Variants in PLEKHA4 observed in about 807,000 individuals in gnomAD.
PLEKHA4 encodes pleckstrin homology domain-containing family A member 4.
In PLEKHA4, 73 loss-of-function variants were observed where a neutral mutation model predicts 94.7. The observed-to-expected ratio is 0.77, with a 90% CI of 0.64 to 0.94. PLEKHA4 has a LOEUF of 0.94. PLEKHA4 is among the 40% of genes least tolerant of loss of function. The pLI is 0.00. For missense variants in PLEKHA4, 1,049 were observed against 1,054.1 expected (o/e 1.00, Z 0.07); for synonymous variants, 449 against 437.1 (o/e 1.03, Z -0.34).
In PLEKHA4 at chr19:48,841,342, C is replaced by T. The variant is rs763151289; in HGVS notation, c.1744-32G>A. 7 of 1,568,242 alleles carry T rather than the reference C, an allele frequency of 4.5e-6. No individual in the cohort carries two copies. The African/African-American group carries it at 8.1e-5, about 18-fold the overall frequency. ...AGGCGAGAAACGTCCCAAGACCCAA[C>T]CTTTAGGCCAGGCACAGTGGCTCGT... is the stretch of plus-strand genomic sequence containing the variant. On this transcript the variant is annotated intron_variant, in intron 16 of 19. Coordinates refer to ENST00000263265, the MANE Select transcript of PLEKHA4 (RefSeq NM_020904.3).
chr19:48,867,604 G>A lies in PLEKHA4; in HGVS notation c.17C>T (p.Pro6Leu). The A allele has an allele frequency of 4.4e-6, 7 of 1,598,096 alleles. No homozygotes were observed. In the South Asian group the frequency reaches 4.6e-5, roughly 10 times the overall value. Residue 6 changes from proline (P) to leucine (L), a missense_variant, in exon 2 of 20, where the codon CCT becomes CTT. Coordinates refer to ENST00000263265, the MANE Select transcript of PLEKHA4 (RefSeq NM_020904.3). The surrounding 1 kb of genome is among the most constrained non-coding windows in gnomAD (Gnocchi z 4.7). ...GCTGGCCAGGCTCAGGCTGCTGCGA[G>A]GTCGGCTCCCCTCCATCAAGGGCTG... MEGSR[P>L]RSSLSLASSA... is the part of the protein sequence containing the mutation.
At chr19:48,865,444 G>C in intron 3 of PLEKHA4, 59 bp downstream of exon 3, 1 of 1,331,630 alleles carries the variant, frequency 7.5e-7, no homozygotes, top group Non-Finnish European at 1.1e-6. Context: ...CAAGGAGAGA[G>C]ACAGAGGACA....
chr19:48,848,214 C>T (rs528447380), intron 13 of PLEKHA4, among the ~76,000 whole-genome samples, 174 bp from the exon 14 acceptor site: 133 of 152,108 alleles, frequency 8.7e-4, no homozygotes, highest in African/African-American at 3.0e-3. Flanking sequence ...TGGCTGGGCG[C>T]GGTGGCTCAC....
intron 2 of PLEKHA4, among the ~76,000 whole-genome samples, chr19:48,866,938 T>C (rs1201268312): frequency 2.0e-5 from 3 of 152,108 alleles, no homozygotes; most frequent in Non-Finnish European, 2.9e-5. Context: ...CCCACAGATA[T>C]CTCAGGCATC....
intron 3 of PLEKHA4, among the ~76,000 whole-genome samples, chr19:48,862,993 G>A (rs1318307315): frequency 6.6e-6 from 1 of 152,194 alleles, no homozygotes; most frequent in African/African-American, 2.4e-5. Flanking sequence ...GAGACACAGA[G>A]AGGCCAGGAA....
Position 48,859,664 on chromosome 19 carries a change from G to A in PLEKHA4, c.497C>T (p.Ala166Val), listed in dbSNP as rs1253729657. 2 of 1,612,020 alleles carry A rather than the reference G, an allele frequency of 1.2e-6. No individual in the cohort carries two copies. The highest frequency in any genetic ancestry group is 3.3e-5 in the Admixed American group (2 of 59,818). ...GDDYGQPRSP[A>V]RPQPGEGPGG... Reference sequence around the variant, plus strand: ...GGGGCCCTCCCCGGGCTGGGGTCGTGCAGGTGACCTGGGTTGCCCACTAGC... The same window carrying A: ...GGGGCCCTCCCCGGGCTGGGGTCGTACAGGTGACCTGGGTTGCCCACTAGC... The change falls in exon 7 of 20, where the codon GCA becomes GTA. Residue 166 changes from alanine (A) to valine (V), a missense_variant. Ala to Val is a moderately conservative substitution (Grantham distance 64). Transcript: ENST00000263265.
In PLEKHA4 at chr19:48,853,699, GGGT is replaced by G. The variant is rs1366234100; in HGVS notation, c.1306_1308del (p.Thr436del). On this transcript the variant is annotated inframe_deletion, in exon 12 of 20. Coordinates refer to ENST00000263265, the MANE Select transcript of PLEKHA4 (RefSeq NM_020904.3). ...GTGCTCACCTGAGTCAAGTGACAGA[GGGT>G]GGCCCTCACACTGACCAGCCGGTCC... The G allele has an allele frequency of 1.3e-6, 2 of 1,590,552 alleles. No individual in the cohort carries two copies. Among genetic ancestry groups the G allele is most frequent in the East Asian group, 4.5e-5 (2 of 44,222 alleles).
At chr19:48,855,599 G>A (rs979529160) in intron 9 of PLEKHA4, among the ~76,000 whole-genome samples, 12 of 129,374 alleles carry the variant, frequency 9.3e-5, no homozygotes, top group East Asian at 2.0e-4. Context: ...GTGAGATTTC[G>A]TCTCAAATAA....
chr19:48,847,295 G>C (rs768986163), intron 14 of PLEKHA4, among the ~76,000 whole-genome samples: 9 of 152,094 alleles, frequency 5.9e-5, no homozygotes, highest in African/African-American at 9.7e-5. Context: ...AATTAGCCAG[G>C]CATGATGGCA....
intron 3 of PLEKHA4, among the ~76,000 whole-genome samples, chr19:48,862,913 T>C (rs4802516): frequency 0.13 from 19,146 of 152,232 alleles, 1,513 homozygotes; most frequent in Non-Finnish European, 0.17. Context: ...TTAGGGAGGT[T>C]TGGATGAGAC....
chr19:48,845,084 C>T (rs1351872590), intron 16 of PLEKHA4: 2 of 287,498 alleles, frequency 7.0e-6, no homozygotes, highest in East Asian at 1.4e-4. Flanking sequence ...CCGCGCCTGG[C>T]CTCATTCATC....
chr19:48,860,877 AGG>A (rs2036613113), intron 5 of PLEKHA4, among the ~76,000 whole-genome samples: 1 of 147,970 alleles, frequency 6.8e-6, no homozygotes, highest in Admixed American at 6.7e-5. Flanking sequence ...GAAAGGAAAA[AGG>A]AAAGGAAAGG....
Position 48,859,467 on chromosome 19 carries a change from ACTCGGGG to A in PLEKHA4, c.687_692+1del. On this transcript the variant is annotated splice_donor_variant and coding_sequence_variant, in exon 7 of 20. Coordinates refer to ENST00000263265, the MANE Select transcript of PLEKHA4 (RefSeq NM_020904.3). LOFTEE classifies it high-confidence loss of function. ...GCCCACAACCATGTCCTCCCTACTC[ACTCGGGG>A]CTCCTCGCCCTCCGCATCTGGAGTC... 6.2e-7 allele frequency: 1 copy of A among 1,612,964 alleles called. No homozygotes were observed. The highest frequency in any genetic ancestry group is 8.5e-7 in the Non-Finnish European group (1 of 1,179,812).
intron 5 of PLEKHA4, among the ~76,000 whole-genome samples, chr19:48,860,880 AAAGGAAAGGAAAGGAAAAT>A: frequency 6.8e-6 from 1 of 147,988 alleles, no homozygotes; most frequent in Admixed American, 6.7e-5. Context: ...AGGAAAAAGG[AAAGGAAAGGAAAGGAAAAT>A]GGAAAGGAAA....
intron 13 of PLEKHA4, among the ~76,000 whole-genome samples, chr19:48,851,342 C>T (rs1224790044): frequency 6.6e-6 from 1 of 152,250 alleles, no homozygotes; most frequent in Non-Finnish European, 1.5e-5. Flanking sequence ...GTAGGCCGGG[C>T]GCAGTGGCTC....
intron 5 of PLEKHA4, 139 bp from the exon 6 acceptor site, chr19:48,860,598 CATA>C (rs1445415194): frequency 1.6e-6 from 1 of 638,460 alleles, no homozygotes; most frequent in African/African-American, 1.8e-5. Flanking sequence ...GCCTAGGCAA[CATA>C]ATGAGACACC....
At chr19:48,865,382 C>G in intron 3 of PLEKHA4, 121 bp downstream of exon 3, 1 of 650,518 alleles carries the variant, frequency 1.5e-6, no homozygotes, top group Non-Finnish European at 2.7e-6. Context: ...CAATGACGGA[C>G]TAAGGGGAGG....
intron 13 of PLEKHA4, among the ~76,000 whole-genome samples, chr19:48,848,790 C>G (rs1349023954): frequency 1.3e-5 from 2 of 148,822 alleles, no homozygotes; most frequent in Admixed American, 1.3e-4. Context: ...GAGCGAGACA[C>G]TGTCTCAAAA....
At chr19:48,853,343 C>T (rs971864722) in intron 12 of PLEKHA4, among the ~76,000 whole-genome samples, 3 of 152,060 alleles carry the variant, frequency 2.0e-5, no homozygotes, top group African/African-American at 7.2e-5. Flanking sequence ...CCAGCCTGGC[C>T]AACATGGCAA....
Sources: gnomAD v4.1 joint callset for allele counts (sites outside exome capture counted in the v4.1 genomes callset) on GRCh38, gnomAD v4.1.1 for gene constraint, Gnocchi (gnomAD v3.1) non-coding constraint, MANE v1.5 for transcripts, NCBI Gene and HGNC (gene_info 2026-07-23, HGNC 2026-07-21) for gene names.